LHFPL3: variants seen among roughly 807,000 people sequenced by gnomAD.
LHFPL3 encodes the protein LHFPL tetraspan subfamily member 3, also known as LHFPL tetraspan subfamily member 3 protein.
LHFPL3 carries 5 observed loss-of-function variants against 19.3 expected under a neutral mutation model. That is an observed-to-expected ratio of 0.26 (90% CI 0.14 to 0.54). The LOEUF (loss-of-function observed/expected upper bound fraction) is 0.54. Ranked by LOEUF, LHFPL3 falls within the 20% of genes least tolerant of loss-of-function variation. The pLI is 0.94. For synonymous variants in LHFPL3, 133 were observed against 126.2 expected (o/e 1.05, Z -0.36); for missense variants, 249 against 307.4 (o/e 0.81, Z 1.42).
intron 1 of LHFPL3, among the ~76,000 whole-genome samples, chr7:104,421,331 G>T (rs1481851444): frequency 1.3e-5 from 2 of 152,192 alleles, no homozygotes; most frequent in Non-Finnish European, 2.9e-5. Flanking sequence ...GAAGAGAAAA[G>T]GTGGAAGTGA....
intron 1 of LHFPL3, among the ~76,000 whole-genome samples, chr7:104,330,131 T>G (rs182448949): frequency 6.6e-6 from 1 of 152,326 alleles, no homozygotes; most frequent in African/African-American, 2.4e-5. Context: ...CATTTCCTGG[T>G]GACTTTGAAG....
At chr7:104,608,353 G>A (rs1296405612) in intron 1 of LHFPL3, among the ~76,000 whole-genome samples, 2 of 151,756 alleles carry the variant, frequency 1.3e-5, no homozygotes, top group African/African-American at 4.8e-5. Context: ...GTAGGGACAT[G>A]GATGAAATTG....
intron 2 of LHFPL3, among the ~76,000 whole-genome samples, chr7:104,807,656 T>C (rs1790389348): frequency 6.6e-6 from 1 of 152,144 alleles, no homozygotes; most frequent in South Asian, 2.1e-4. Flanking sequence ...TTGATGATGA[T>C]AGTGATGAAG....
At chr7:104,656,320 C>T (rs1343565912) in intron 1 of LHFPL3, among the ~76,000 whole-genome samples, 2 of 151,880 alleles carry the variant, frequency 1.3e-5, no homozygotes, top group African/African-American at 4.8e-5. Context: ...ATCCATTAGC[C>T]TAGTGAGGCC....
intron 2 of LHFPL3, among the ~76,000 whole-genome samples, chr7:104,824,510 TTATA>T (rs1164951705): frequency 1.6e-5 from 1 of 60,730 alleles, no homozygotes; most frequent in African/African-American, 6.3e-5. Context: ...ATATATTATT[TTATA>T]TATATTATTT....
chr7:104,876,436 A>T (rs1007812821), intron 2 of LHFPL3, among the ~76,000 whole-genome samples: 1 of 152,204 alleles, frequency 6.6e-6, no homozygotes, highest in African/African-American at 2.4e-5. Flanking sequence ...TTTACAAGAA[A>T]AAAACAACCC....
chr7:104,658,351 CTCTT>C (rs1204644916), intron 1 of LHFPL3, among the ~76,000 whole-genome samples: 2 of 152,170 alleles, frequency 1.3e-5, no homozygotes, highest in Admixed American at 6.5e-5. Flanking sequence ...TTCTTTCTCT[CTCTT>C]TTTTTTCTCC....
In LHFPL3 at chr7:104,560,987, C is replaced by T. The variant is rs1317344844; in HGVS notation, c.446-175688C>T. ...GTTGTTCAGTTTCCATGTAGTTGAG[C>T]AGTTTTGAGTGAGATTCTTAACCCT... On this transcript the variant is annotated intron_variant, in intron 1 of 2. Transcript: ENST00000424859. Among the ~76,000 whole-genome samples, 221 of 150,098 alleles carry T rather than the reference C, an allele frequency of 1.5e-3. 1 individual carries two copies. The highest frequency in any genetic ancestry group is 3.4e-3 in the Middle Eastern group (1 of 294).
At position 104,522,062 on chromosome 7, in the gene LHFPL3, A is replaced by T. The variant is rs575893649; in HGVS notation, c.445+192838A>T. On this transcript the variant is annotated intron_variant, in intron 1 of 2. Coordinates refer to ENST00000424859, the MANE Select transcript of LHFPL3 (RefSeq NM_199000.3). Reference sequence around the variant, plus strand: ...GTATATACCCAAAGGACTATAAATCATGCTGCTATAAAGACACATGCACAC... The same window carrying T: ...GTATATACCCAAAGGACTATAAATCTTGCTGCTATAAAGACACATGCACAC... Among the ~76,000 whole-genome samples the T allele has an allele frequency of 1.3e-3, 199 of 152,226 alleles. 1 individual carries two copies. The highest frequency in any genetic ancestry group is 2.5e-3 in the Non-Finnish European group (168 of 68,012).
chr7:104,877,267 A>G (rs910127296), intron 2 of LHFPL3, among the ~76,000 whole-genome samples: 16 of 135,294 alleles, frequency 1.2e-4, no homozygotes, highest in Admixed American at 2.3e-4. Context: ...CCTAGAACTT[A>G]AAGTATAATA....
Position 104,642,509 on chromosome 7 carries a change from C to T in LHFPL3, c.446-94166C>T, listed in dbSNP as rs564178439. Among the ~76,000 whole-genome samples the T allele has an allele frequency of 6.6e-5, 10 of 152,244 alleles. No homozygotes were observed. In the East Asian group the frequency reaches 1.9e-3, roughly 29 times the overall value. ...AGAACAAACATAAATAAGAATGTTT[C>T]CAACTGAAAATTTTTGTTTACTTCC... On this transcript the variant is annotated intron_variant, in intron 1 of 2. Transcript: ENST00000424859.
chr7:104,349,323 T>G (rs1282886516), intron 1 of LHFPL3, among the ~76,000 whole-genome samples: 1 of 152,246 alleles, frequency 6.6e-6, no homozygotes, highest in Non-Finnish European at 1.5e-5. Flanking sequence ...TCCACTGTTG[T>G]GAAGTTTCTT....
chr7:104,354,052 A>T (rs1469715474), intron 1 of LHFPL3, among the ~76,000 whole-genome samples: 1 of 151,688 alleles, frequency 6.6e-6, no homozygotes, highest in Non-Finnish European at 1.5e-5. Flanking sequence ...GTTTGTATGG[A>T]TTCTTGTAAA....
rs1365670333 is a variant in LHFPL3 at position 104,659,963 on chromosome 7, A to T, written c.446-76712A>T. 2.6e-5 allele frequency among the ~76,000 whole-genome samples: 4 copies of T among 151,286 alleles called. No individual in the cohort carries two copies. The East Asian group carries it at 7.8e-4, about 29-fold the overall frequency. On this transcript the variant is annotated intron_variant, in intron 1 of 2. Coordinates refer to ENST00000424859, the MANE Select transcript of LHFPL3 (RefSeq NM_199000.3). Reference sequence around the variant, plus strand: ...CTCCTGATCATTTTATGATCTTTCAAATTGATGCCTTCCTAGCCCTCCAGT... The same window carrying T: ...CTCCTGATCATTTTATGATCTTTCATATTGATGCCTTCCTAGCCCTCCAGT...
At chr7:104,719,848 T>G (rs1454961648) in intron 1 of LHFPL3, among the ~76,000 whole-genome samples, 2 of 152,198 alleles carry the variant, frequency 1.3e-5, no homozygotes, top group Non-Finnish European at 2.9e-5. Context: ...CTGCCATTTG[T>G]GGACCGTGTA....
chr7:104,847,534 G>A (rs1003433890), intron 2 of LHFPL3, among the ~76,000 whole-genome samples: 2 of 152,016 alleles, frequency 1.3e-5, no homozygotes, highest in Admixed American at 1.3e-4. Context: ...TCTTGGAGAC[G>A]GAGTCTTGCT....
intron 1 of LHFPL3, among the ~76,000 whole-genome samples, chr7:104,698,565 T>G (rs879507252): frequency 2.0e-5 from 3 of 152,230 alleles, no homozygotes; most frequent in Non-Finnish European, 2.9e-5. Flanking sequence ...CCAAATCATG[T>G]GTATGATAAA....
chr7:104,334,044 T>C lies in LHFPL3; in HGVS notation c.445+4820T>C, dbSNP rs1801616839. ...GCAAAGACTAAATGAGCTAATGTAT[T>C]ATTTAGTGTCTGGTTTACAGTAAGT... On this transcript the variant is annotated intron_variant, in intron 1 of 2. Coordinates refer to ENST00000424859, the MANE Select transcript of LHFPL3 (RefSeq NM_199000.3). Among the ~76,000 whole-genome samples, 3 of 152,316 alleles carry C rather than the reference T, an allele frequency of 2.0e-5. No individual in the cohort carries two copies. The South Asian group carries it at 6.2e-4, about 32-fold the overall frequency.
chr7:104,831,132 G>T (rs1171633147), intron 2 of LHFPL3, among the ~76,000 whole-genome samples: 5 of 151,878 alleles, frequency 3.3e-5, no homozygotes, highest in Non-Finnish European at 7.3e-5. Context: ...CCATTTCACT[G>T]TGTGACCACA....
Sources: allele counts gnomAD v4.1 joint callset (sites outside exome capture counted in the v4.1 genomes callset), GRCh38; gene constraint gnomAD v4.1.1; transcripts MANE v1.5; gene names NCBI Gene and HGNC (gene_info 2026-07-23, HGNC 2026-07-21).